Variants in FAM20A observed in about 807,000 individuals in gnomAD.
FAM20A encodes pseudokinase FAM20A.
FAM20A carries 42 observed loss-of-function variants against 52.0 expected under a neutral mutation model. The observed-to-expected ratio is 0.81, with a 90% CI of 0.63 to 1.04. The LOEUF is 1.04. Among genes scored for constraint, FAM20A ranks in the 50% least tolerant of loss-of-function variants. The pLI is 0.00. For missense variants in FAM20A, 742 were observed against 712.7 expected (o/e 1.04, Z -0.47); for synonymous variants, 304 against 298.9 (o/e 1.02, Z -0.18).
intron 1 of FAM20A, among the ~76,000 whole-genome samples, chr17:68,555,946 C>T (rs2087040078): frequency 6.6e-6 from 1 of 152,210 alleles, no homozygotes. Context: ...AGAGGGCTTA[C>T]ACTCTAGTGA....
Position 68,600,587 on chromosome 17 carries a change from A to T in FAM20A, c.80T>A (p.Leu27His). Residue 27 changes from leucine (L) to histidine (H), a missense_variant, in exon 1 of 11, where the codon CTC becomes CAC. Coordinates refer to ENST00000592554, the MANE Select transcript of FAM20A (RefSeq NM_017565.4). This position sits in a 1 kb window ranked among gnomAD's most constrained non-coding sequence, Gnocchi z 6.2. ...CAGCTGGCGCTGTACTTGGGGCCAG[A>T]GGTGGAAGTAGAGGTCGGCGGAGAG... is the stretch of plus-strand genomic sequence containing the variant. The part of the protein sequence containing the change: ...ALLSADLYFH[L>H]WPQVQRQLRP... 1 of 1,562,554 alleles carries T rather than the reference A, an allele frequency of 6.4e-7. No individual in the cohort carries two copies. Among genetic ancestry groups the T allele is most frequent in the Non-Finnish European group, 8.7e-7 (1 of 1,155,454 alleles).
rs547205864 is a variant in FAM20A at position 68,553,529 on chromosome 17, C to A, written c.640+1248G>T. Among the ~76,000 whole-genome samples the A allele has an allele frequency of 3.3e-5, 5 of 152,224 alleles. No homozygotes were observed. In the East Asian group the frequency reaches 5.8e-4, roughly 18 times the overall value. On this transcript the variant is annotated intron_variant, in intron 3 of 10. Coordinates refer to ENST00000592554, the MANE Select transcript of FAM20A (RefSeq NM_017565.4). ...CTGAGGGCTTTAGGGTCCAGACCCA[C>A]CTATAACCAGGTCACAGCACTCCTG...
intron 1 of FAM20A, chr17:68,590,016 A>C (rs1258733312): frequency 6.6e-6 from 1 of 152,210 alleles, no homozygotes; most frequent in Non-Finnish European, 1.5e-5. Context: ...TCCTCAATTA[A>C]ACAAAGATGA....
chr17:68,541,136 G>A, intron 7 of FAM20A, 178 bp from the exon 8 acceptor site: 3 of 824,868 alleles, frequency 3.6e-6, no homozygotes, highest in Non-Finnish European at 5.5e-6. Context: ...CATATTCCGT[G>A]TGGTGAGAAG....
Position 68,600,430 on chromosome 17 carries a change from T to A in FAM20A, c.237A>T (p.Glu79Asp). The change falls in exon 1 of 11, where the codon GAA (glutamate) becomes GAT (aspartate). Residue 79 changes from glutamate to aspartate, a missense_variant. By Grantham distance (45) the Glu-to-Asp change is conservative. Coordinates refer to ENST00000592554, the MANE Select transcript of FAM20A (RefSeq NM_017565.4). This position sits in a 1 kb window ranked among gnomAD's most constrained non-coding sequence, Gnocchi z 6.2. ...ACCCGCTGTGGCTGCCGCCAGCCGG[T>A]TCAGTCCGGGGCTCGGTTCGGGAAA... is the stretch of plus-strand genomic sequence containing the variant. ...HNFSRTEPRT[E>D]PAGGSHSGSS... 6.2e-7 allele frequency: 1 copy of A among 1,611,202 alleles called. No homozygotes were observed. Among genetic ancestry groups the A allele is most frequent in the Non-Finnish European group, 8.5e-7 (1 of 1,179,054 alleles).
chr17:68,594,582 T>G (rs1166276243), intron 1 of FAM20A, among the ~76,000 whole-genome samples: 2 of 152,176 alleles, frequency 1.3e-5, no homozygotes, highest in Non-Finnish European at 2.9e-5. Flanking sequence ...GTGTCTAGGT[T>G]GATTTCTCAT....
intron 9 of FAM20A, 73 bp downstream of exon 9, chr17:68,539,812 C>T: frequency 6.8e-7 from 1 of 1,463,498 alleles, no homozygotes; most frequent in Non-Finnish European, 9.5e-7. Flanking sequence ...GCGTCTGTTT[C>T]CCCCGAGCAG....
At chr17:68,559,018 A>G (rs1337482090) in intron 1 of FAM20A, among the ~76,000 whole-genome samples, 1 of 152,192 alleles carries the variant, frequency 6.6e-6, no homozygotes, top group South Asian at 2.1e-4. Context: ...TTGACCACCC[A>G]AAGAGCTGGA....
At chr17:68,575,463 TATATA>T (rs1406358616) in intron 1 of FAM20A, among the ~76,000 whole-genome samples, 253 of 120,888 alleles carry the variant, frequency 2.1e-3, no homozygotes, top group Middle Eastern at 0.011. Context: ...TTATATATTA[TATATA>T]ATATATTTTA....
intron 7 of FAM20A, chr17:68,541,206 A>G: frequency 2.0e-6 from 1 of 505,502 alleles, no homozygotes; most frequent in South Asian, 2.0e-5. Context: ...TGTGTGCCAG[A>G]GGGGAGAGGC....
intron 1 of FAM20A, among the ~76,000 whole-genome samples, chr17:68,575,486 T>C (rs1490594249): frequency 1.0e-5 from 1 of 98,374 alleles, no homozygotes; most frequent in African/African-American, 4.2e-5. Context: ...TTATATATTA[T>C]ATATTATAGA....
chr17:68,544,085 A>G (rs926319814), intron 4 of FAM20A, among the ~76,000 whole-genome samples: 1 of 152,350 alleles, frequency 6.6e-6, no homozygotes, highest in East Asian at 1.9e-4. Flanking sequence ...TAGCAGAACC[A>G]GAGGTAGTGC....
At position 68,537,859 on chromosome 17, in the gene FAM20A, T is replaced by G; in HGVS notation, c.1362-118A>C. 2.6e-6 allele frequency: 3 copies of G among 1,141,834 alleles called. No homozygotes were observed. Among genetic ancestry groups the G allele is most frequent in the Admixed American group, 2.0e-5 (1 of 49,910 alleles). The allele number at this position is 1,141,834 out of a possible 1,614,324, so 70.7% of individuals were successfully genotyped here. A position where few individuals can be genotyped will look rare whatever the true frequency, so the allele number is the denominator to read the frequency against. On this transcript the variant is annotated intron_variant, in intron 10 of 10. Coordinates refer to ENST00000592554, the MANE Select transcript of FAM20A (RefSeq NM_017565.4). This position sits in a 1 kb window ranked among gnomAD's most constrained non-coding sequence, Gnocchi z 4.2. ...TACTCTTGGCGCCTCTCCTTGTGTCTTCTCAGGCACATTTTAATGGAAACC... is the reference window on the plus strand; with the variant it reads ...TACTCTTGGCGCCTCTCCTTGTGTCGTCTCAGGCACATTTTAATGGAAACC...
intron 4 of FAM20A, among the ~76,000 whole-genome samples, chr17:68,550,495 C>T (rs2086788483): frequency 6.7e-6 from 1 of 149,772 alleles, no homozygotes; most frequent in Non-Finnish European, 1.5e-5. Flanking sequence ...ATTCTTCTGC[C>T]TCAGCCTCTC....
intron 1 of FAM20A, among the ~76,000 whole-genome samples, chr17:68,594,192 A>T (rs1345557297): frequency 1.3e-5 from 2 of 152,346 alleles, no homozygotes; most frequent in East Asian, 3.9e-4. Flanking sequence ...CGGGCGGATC[A>T]CGAGGTCAGG....
intron 1 of FAM20A, among the ~76,000 whole-genome samples, chr17:68,594,067 G>A (rs2088380885): frequency 6.6e-6 from 1 of 152,108 alleles, no homozygotes; most frequent in Non-Finnish European, 1.5e-5. Flanking sequence ...GCCTGACTTT[G>A]GGCAGGTTAT....
chr17:68,556,722 G>T (rs1273744026), intron 1 of FAM20A, among the ~76,000 whole-genome samples: 2 of 152,072 alleles, frequency 1.3e-5, no homozygotes, highest in Non-Finnish European at 2.9e-5. Context: ...ATGAGAAGAC[G>T]GAGGCCTCTG....
At chr17:68,582,612 G>A (rs79258876) in intron 1 of FAM20A, 5,677 of 152,170 alleles carry the variant, frequency 0.037, 159 homozygotes, top group East Asian at 0.12. Context: ...GATCAGTGCT[G>A]TAGGAAACCA....
rs1408632774 is a variant in FAM20A at position 68,600,365 on chromosome 17, T to C, written c.302A>G (p.Tyr101Cys). 1.2e-6 allele frequency: 2 copies of C among 1,604,050 alleles called. No individual in the cohort carries two copies. The highest frequency in any genetic ancestry group is 1.7e-5 in the Admixed American group (1 of 59,064). Residue 101 changes from tyrosine (Y) to cysteine (C), a missense_variant, in exon 1 of 11, where the codon TAC (tyrosine) becomes TGC (cysteine). By Grantham distance (194) the Tyr-to-Cys change is radical (BLOSUM62 -2). Transcript: ENST00000592554. This position sits in a 1 kb window ranked among gnomAD's most constrained non-coding sequence, Gnocchi z 6.2. Reference protein sequence around the residue: ...KLQALFAHPLYNVPEEPPLLG... With the variant: ...KLQALFAHPLCNVPEEPPLLG... ...GAGAGGCGGCTCCTCCGGGACGTTG[T>C]ACAGCGGGTGGGCGAAGAGGGCCTG...
Sources: allele counts gnomAD v4.1 joint callset (sites outside exome capture counted in the v4.1 genomes callset), GRCh38; gene constraint gnomAD v4.1.1; non-coding constraint Gnocchi (gnomAD v3.1); transcripts MANE v1.5; gene names NCBI Gene and HGNC (gene_info 2026-07-23, HGNC 2026-07-21).